PLXNA2: variants seen among roughly 807,000 people sequenced by gnomAD.
PLXNA2 encodes the protein plexin-A2.
A neutral mutation model predicts 193.5 loss-of-function variants in PLXNA2; 91 were observed. That is an observed-to-expected ratio of 0.47 (90% CI 0.40 to 0.56). The LOEUF (loss-of-function observed/expected upper bound fraction) is 0.56, where lower values mean the gene tolerates loss of function less well. PLXNA2 is among the 20% of genes least tolerant of loss of function. PLXNA2 has a pLI of 0.00. For missense variants in PLXNA2, 1,995 were observed against 2,503.2 expected, an observed-to-expected ratio of 0.80 and a Z score of 4.33; for synonymous variants, 997 against 1,027.3, an observed-to-expected ratio of 0.97 and a Z score of 0.56.
At chr1:208,076,057 CAAAAA>C (rs750601110) in intron 12 of PLXNA2, among the ~76,000 whole-genome samples, 1 of 59,298 alleles carries the variant, frequency 1.7e-5, no homozygotes. Context: ...GACCCTGTCT[CAAAAA>C]AAAAAAAAAA....
chr1:208,031,732 A>C lies in PLXNA2; in HGVS notation c.5083T>G (p.Leu1695Val), dbSNP rs1664509895. ...ACAGTGCTGAACAAGGTCTCAAACA[A>C]GTCGTCCACAAACTTCTGCAGGGTG... The part of the protein sequence containing the change: ...KGTLQKFVDD[L>V]FETLFSTVHR... The change falls in exon 29 of 32, where the codon TTG (leucine) becomes GTG (valine). Residue 1695 changes from leucine (L) to valine (V), a missense_variant. Leu to Val is a conservative substitution (Grantham distance 32). Coordinates refer to ENST00000367033, the MANE Select transcript of PLXNA2 (RefSeq NM_025179.4). 1 of 1,608,716 alleles carries C rather than the reference A, an allele frequency of 6.2e-7. No homozygotes were observed. Among genetic ancestry groups the C allele is most frequent in the African/African-American group, 1.3e-5 (1 of 74,384 alleles).
At chr1:208,040,320 AC>A (rs1664825025) in intron 22 of PLXNA2, 1 of 494,920 alleles carries the variant, frequency 2.0e-6, no homozygotes, top group African/African-American at 1.9e-5. Context: ...GGTGCTCTGA[AC>A]TTTGGCTGCA....
chr1:208,153,751 A>G (rs1167018467), intron 3 of PLXNA2, among the ~76,000 whole-genome samples: 1 of 152,206 alleles, frequency 6.6e-6, no homozygotes, highest in Non-Finnish European at 1.5e-5. Context: ...GTCAAGCCAG[A>G]AAGCCTCCAT....
At position 208,024,055 on chromosome 1, in the gene PLXNA2, G is replaced by A. The variant is rs1664268348; in HGVS notation, c.*3188C>T. 1 of 152,546 alleles carries A rather than the reference G, an allele frequency of 6.6e-6. No individual in the cohort carries two copies. The allele number at this position is 152,546 out of a possible 1,614,324, so 9.4% of individuals were successfully genotyped here. ...GGGAGGCAGCAGCAGGGGCCAGCTG[G>A]AGGGAGTGCTCTCCATTGCCCATTA... On this transcript the variant is annotated 3_prime_UTR_variant, in exon 32 of 32. Coordinates refer to ENST00000367033, the MANE Select transcript of PLXNA2 (RefSeq NM_025179.4).
chr1:208,125,195 A>G (rs2102455963), intron 4 of PLXNA2, among the ~76,000 whole-genome samples: 1 of 152,326 alleles, frequency 6.6e-6, no homozygotes, highest in South Asian at 2.1e-4. Flanking sequence ...GATGCCCAAG[A>G]ATCTCATTAA....
At chr1:208,027,591 C>T (rs1054404502) in intron 31 of PLXNA2, among the ~76,000 whole-genome samples, 8 of 152,204 alleles carry the variant, frequency 5.3e-5, no homozygotes, top group Admixed American at 2.0e-4. Flanking sequence ...ACTACTACTA[C>T]TACTTTCACG....
At position 208,027,292 on chromosome 1, in the gene PLXNA2, A is replaced by G; in HGVS notation, c.5636T>C (p.Leu1879Pro). Reference protein sequence around the residue: ...EQDEQARRQRLAYKVEQLINA... With the variant: ...EQDEQARRQRPAYKVEQLINA... ...AATGAGCTGCTCCACCTTATAAGCC[A>G]GCCGCTGCCGCCGTGCCTGCTCATC... The change falls in exon 32 of 32, where the codon CTG (leucine) becomes CCG (proline). Residue 1879 changes from leucine (L) to proline (P), a missense_variant. By Grantham distance (98) the Leu-to-Pro change is moderately conservative. Around this residue, in one of 3 missense-constraint regions of PLXNA2, gnomAD observed 1,291 missense variants for 1,673.6 expected, o/e 0.77. Coordinates refer to ENST00000367033, the MANE Select transcript of PLXNA2 (RefSeq NM_025179.4). The G allele has an allele frequency of 6.2e-7, 1 of 1,613,740 alleles. No homozygotes were observed. The highest frequency in any genetic ancestry group is 8.5e-7 in the Non-Finnish European group (1 of 1,180,008).
chr1:208,156,224 C>A (rs577925215), intron 3 of PLXNA2, among the ~76,000 whole-genome samples: 2 of 152,112 alleles, frequency 1.3e-5, no homozygotes, highest in Non-Finnish European at 2.9e-5. Flanking sequence ...CTTTAGACAT[C>A]CTGACTATTA....
chr1:208,089,891 G>A (rs532650155), intron 9 of PLXNA2, among the ~76,000 whole-genome samples: 2 of 152,232 alleles, frequency 1.3e-5, no homozygotes, highest in South Asian at 2.1e-4. Context: ...CAGCTGGGAC[G>A]CCTGAGAGAG....
At chr1:208,136,502 T>C (rs188123286) in intron 4 of PLXNA2, among the ~76,000 whole-genome samples, 2 of 152,308 alleles carry the variant, frequency 1.3e-5, no homozygotes, top group African/African-American at 4.8e-5. Flanking sequence ...TGGCCCGGTG[T>C]CCATGCATGC....
intron 3 of PLXNA2, among the ~76,000 whole-genome samples, chr1:208,204,205 GTC>G (rs1227482190): frequency 1.3e-5 from 2 of 152,188 alleles, no homozygotes; most frequent in African/African-American, 4.8e-5. Flanking sequence ...AGCTTGGAAA[GTC>G]TCTGAGGATT....
chr1:208,053,581 T>A (rs959909094), intron 14 of PLXNA2, among the ~76,000 whole-genome samples: 8 of 152,238 alleles, frequency 5.3e-5, no homozygotes, highest in African/African-American at 1.7e-4. Flanking sequence ...TAGAATTTTG[T>A]GCTCCAAAGA....
At chr1:208,178,861 G>C (rs942272302) in intron 3 of PLXNA2, among the ~76,000 whole-genome samples, 1 of 152,242 alleles carries the variant, frequency 6.6e-6, no homozygotes, top group South Asian at 2.1e-4. Flanking sequence ...AATGCTGGGC[G>C]TGGGACCCAG....
intron 29 of PLXNA2, chr1:208,030,285 T>C: frequency 1.0e-6 from 1 of 985,498 alleles, no homozygotes; most frequent in Non-Finnish European, 1.2e-6. Context: ...GGAAACTCTC[T>C]CCACACCACG....
chr1:208,144,198 T>TGG (rs1668539769), intron 3 of PLXNA2, among the ~76,000 whole-genome samples: 1 of 152,192 alleles, frequency 6.6e-6, no homozygotes, highest in Non-Finnish European at 1.5e-5. Context: ...CATGACTTAT[T>TGG]CATCCCAAGT....
chr1:208,034,446 C>T (rs760267713), intron 27 of PLXNA2, 47 bp downstream of exon 27: 2 of 1,270,436 alleles, frequency 1.6e-6, no homozygotes, highest in South Asian at 1.2e-5. Context: ...TGCTAGGTCT[C>T]AGAAGACTCT....
In PLXNA2 at chr1:208,042,082, C is replaced by T; in HGVS notation, c.4286+16G>A. ...AGACTCCTGCCACCCTCTCCACCCACTGCTGCGGGCCAGACCTCCGGAGTA... is the reference window on the plus strand; with the variant it reads ...AGACTCCTGCCACCCTCTCCACCCATTGCTGCGGGCCAGACCTCCGGAGTA... On this transcript the variant is annotated intron_variant, in intron 22 of 31. Coordinates refer to ENST00000367033, the MANE Select transcript of PLXNA2 (RefSeq NM_025179.4). 1 of 1,611,052 alleles carries T rather than the reference C, an allele frequency of 6.2e-7. No homozygotes were observed. The highest frequency in any genetic ancestry group is 8.5e-7 in the Non-Finnish European group (1 of 1,178,122).
At chr1:208,057,086 T>C (rs9803859) in intron 13 of PLXNA2, among the ~76,000 whole-genome samples, 39,289 of 152,048 alleles carry the variant, frequency 0.26, 5,374 homozygotes, top group East Asian at 0.44. Flanking sequence ...AAGGGTTATA[T>C]TGAGGAAGGA....
chr1:208,105,290 C>T (rs929663935), intron 4 of PLXNA2, among the ~76,000 whole-genome samples: 3 of 152,222 alleles, frequency 2.0e-5, no homozygotes, highest in African/African-American at 4.8e-5. Context: ...CAGTGGGACT[C>T]ATGGGTGAAA....
Sources: gnomAD v4.1 joint callset for allele counts (sites outside exome capture counted in the v4.1 genomes callset) on GRCh38, gnomAD v4.1.1 for gene constraint, gnomAD v4.1.1 regional missense constraint, MANE v1.5 for transcripts, NCBI Gene and HGNC (gene_info 2026-07-23, HGNC 2026-07-21) for gene names.